Variants in TMPRSS12 observed in about 807,000 individuals in gnomAD.
TMPRSS12 encodes the protein transmembrane protease serine 12.
A neutral mutation model predicts 26.0 loss-of-function variants in TMPRSS12; 25 were observed. The observed-to-expected ratio is 0.96, with a 90% CI of 0.70 to 1.34. The LOEUF (loss-of-function observed/expected upper bound fraction) is 1.34. TMPRSS12 is among the 40% of genes most tolerant of loss of function. The pLI is 0.00. For synonymous variants in TMPRSS12, 150 were observed against 161.7 expected (o/e 0.93, Z 0.55); for missense variants, 441 against 440.1 (o/e 1.00, Z -0.02).
chr12:50,883,373 T>C (rs1286300405), intron 3 of TMPRSS12, among the ~76,000 whole-genome samples: 1 of 152,200 alleles, frequency 6.6e-6, no homozygotes, highest in Middle Eastern at 3.2e-3. Context: ...ATTAGGTTTA[T>C]CTCAGGAATC....
intron 3 of TMPRSS12, among the ~76,000 whole-genome samples, chr12:50,863,850 T>C (rs953474820): frequency 5.9e-5 from 9 of 152,236 alleles, no homozygotes; most frequent in African/African-American, 1.9e-4. Flanking sequence ...ACACACATTG[T>C]ATTAATGTCA....
chr12:50,867,578 C>T (rs1471633754), intron 3 of TMPRSS12, among the ~76,000 whole-genome samples: 1 of 152,142 alleles, frequency 6.6e-6, no homozygotes, highest in African/African-American at 2.4e-5. Flanking sequence ...AAAACTTCCC[C>T]AGCCTTGCTA....
chr12:50,843,144 T>C lies in TMPRSS12; in HGVS notation c.180T>C (p.His60=), dbSNP rs1194010932. The C allele has an allele frequency of 3.2e-6, 5 of 1,564,216 alleles. No homozygotes were observed. Among genetic ancestry groups the C allele is most frequent in the Non-Finnish European group, 4.3e-6 (5 of 1,153,690 alleles). ...RLRRRREGGA[H]AEDCGTAPLK... ...GGCGGCGGAGGGAGGGAGGGGCGCA[T>C]GCAGAGGGCAGTACCTGTTCGTGCC... The change falls in exon 1 of 5, where the codon CAT becomes CAC. Residue 60 remains histidine (H), a synonymous_variant. Transcript: ENST00000398458.
At chr12:50,873,693 T>C (rs1027032455) in intron 3 of TMPRSS12, among the ~76,000 whole-genome samples, 1 of 152,200 alleles carries the variant, frequency 6.6e-6, no homozygotes, top group Admixed American at 6.5e-5. Context: ...AATTTTTGGA[T>C]GTTAAAACTG....
chr12:50,855,895 C>G (rs901440990), intron 2 of TMPRSS12, among the ~76,000 whole-genome samples: 3 of 152,172 alleles, frequency 2.0e-5, no homozygotes, highest in African/African-American at 7.2e-5. Context: ...ATGAAATCAT[C>G]TCCTTTGTAG....
chr12:50,856,273 C>A (rs1284079553), intron 2 of TMPRSS12, among the ~76,000 whole-genome samples: 1 of 152,134 alleles, frequency 6.6e-6, no homozygotes, highest in Non-Finnish European at 1.5e-5. Context: ...TCTCATCATG[C>A]AATGCTCCTG....
chr12:50,846,655 T>TG (rs1565929888), intron 2 of TMPRSS12, among the ~76,000 whole-genome samples: 1 of 152,182 alleles, frequency 6.6e-6, no homozygotes, highest in Non-Finnish European at 1.5e-5. Context: ...CTCAGCTCAC[T>TG]GCAACCTCCA....
intron 3 of TMPRSS12, among the ~76,000 whole-genome samples, chr12:50,862,056 C>T (rs756222054): frequency 1.1e-4 from 16 of 152,186 alleles, no homozygotes; most frequent in Admixed American, 2.6e-4. Context: ...GATCCACCTG[C>T]CTCGGCCTCC....
intron 2 of TMPRSS12, chr12:50,848,146 C>T (rs1196210120): frequency 6.7e-6 from 1 of 148,320 alleles, no homozygotes; most frequent in Non-Finnish European, 1.5e-5. Context: ...AAGTTGATTT[C>T]TATTTTGAAG....
rs542934802 is a variant in TMPRSS12 at position 50,872,429 on chromosome 12, C to A, written c.653-12817C>A. Among the ~76,000 whole-genome samples the A allele has an allele frequency of 1.5e-3, 213 of 138,120 alleles. 6 individuals are homozygous for A. In the East Asian group the frequency reaches 0.045, roughly 29 times the overall value. The allele number at this position is 138,120 out of a possible 152,430, so 90.6% of individuals were successfully genotyped here. A position where few individuals can be genotyped will look rare whatever the true frequency, so the allele number is the denominator to read the frequency against. ...TCGGGAGGCTGAGGCAGGAGAATGGCGTGAACCCGGGAAGCGGAGCTTGCA... is the reference window on the plus strand; with the variant it reads ...TCGGGAGGCTGAGGCAGGAGAATGGAGTGAACCCGGGAAGCGGAGCTTGCA... On this transcript the variant is annotated intron_variant, in intron 3 of 4. Transcript: ENST00000398458.
intron 2 of TMPRSS12, among the ~76,000 whole-genome samples, chr12:50,852,436 A>G (rs1397358062): frequency 1.3e-5 from 2 of 152,168 alleles, no homozygotes; most frequent in African/African-American, 4.8e-5. Context: ...TTTGAGATGG[A>G]GTCTTTCTCT....
chr12:50,860,456 C>T (rs930372790), intron 3 of TMPRSS12, among the ~76,000 whole-genome samples: 2 of 152,146 alleles, frequency 1.3e-5, no homozygotes, highest in African/African-American at 2.4e-5. Context: ...CACTCTGTCT[C>T]TCAGGCTGGA....
At chr12:50,882,039 ATATGTT>A (rs1254524317) in intron 3 of TMPRSS12, among the ~76,000 whole-genome samples, 1 of 121,644 alleles carries the variant, frequency 8.2e-6, no homozygotes, top group Non-Finnish European at 1.7e-5. Flanking sequence ...ATATATATAT[ATATGTT>A]TATTTAGTTA....
intron 2 of TMPRSS12, among the ~76,000 whole-genome samples, chr12:50,846,472 C>G (rs1937768645): frequency 6.6e-6 from 1 of 151,964 alleles, no homozygotes; most frequent in East Asian, 1.9e-4. Context: ...TATTTCTGGG[C>G]TCTCAATTCT....
intron 3 of TMPRSS12, among the ~76,000 whole-genome samples, chr12:50,861,376 AATT>A (rs2139726480): frequency 1.0e-5 from 1 of 96,620 alleles, no homozygotes; most frequent in East Asian, 3.2e-4. Flanking sequence ...AAGACCTGTG[AATT>A]ATTATTTTTC....
rs770204141 is a variant in TMPRSS12, at chr12:50,858,817, C to G, written c.416C>G (p.Thr139Ser). Residue 139 changes from threonine to serine, a missense_variant, in exon 3 of 5, where the codon ACT becomes AGT. Physicochemically the swap from Thr to Ser is moderately conservative, Grantham distance 58 (BLOSUM62 1). Transcript: ENST00000398458. ...TTAATGTGGACAGCTGTGATTGGAACTAATAATATACATGGACGCTATCCT... is the reference window on the plus strand; with the variant it reads ...TTAATGTGGACAGCTGTGATTGGAAGTAATAATATACATGGACGCTATCCT... ...DPLMWTAVIG[T>S]NNIHGRYPHT... is the part of the protein sequence containing the mutation. 27 of 1,604,170 alleles carry G rather than the reference C, an allele frequency of 1.7e-5. No individual in the cohort carries two copies. The highest frequency in any genetic ancestry group is 2.2e-5 in the Non-Finnish European group (26 of 1,176,232).
At chr12:50,874,663 C>T (rs1938096291) in intron 3 of TMPRSS12, among the ~76,000 whole-genome samples, 3 of 152,042 alleles carry the variant, frequency 2.0e-5, no homozygotes, top group Admixed American at 2.0e-4. Context: ...GCCTAGAAAA[C>T]CCTAAAGACT....
chr12:50,871,379 T>C (rs556835431), intron 3 of TMPRSS12, among the ~76,000 whole-genome samples: 10 of 152,322 alleles, frequency 6.6e-5, no homozygotes, highest in African/African-American at 2.4e-4. Flanking sequence ...GGGGCTGGGA[T>C]AATTGGCAAG....
At chr12:50,883,250 G>A (rs1219452235) in intron 3 of TMPRSS12, among the ~76,000 whole-genome samples, 1 of 152,192 alleles carries the variant, frequency 6.6e-6, no homozygotes, top group Non-Finnish European at 1.5e-5. Flanking sequence ...AGGATCACAT[G>A]AGCCCAGGAG....
Sources: gnomAD v4.1 joint callset for allele counts (sites outside exome capture counted in the v4.1 genomes callset) on GRCh38, gnomAD v4.1.1 for gene constraint, MANE v1.5 for transcripts, NCBI Gene and HGNC (gene_info 2026-07-23, HGNC 2026-07-21) for gene names.